SLC7A1: variants seen among roughly 807,000 people sequenced by gnomAD.
The protein encoded by SLC7A1 is solute carrier family 7 member 1, also known as high affinity cationic amino acid transporter 1.
SLC7A1 carries 10 observed loss-of-function variants against 53.9 expected under a neutral mutation model. That is an observed-to-expected ratio of 0.19 (90% confidence interval 0.11 to 0.31). The LOEUF (loss-of-function observed/expected upper bound fraction) is 0.31. Ranked by LOEUF, SLC7A1 falls within the 10% of genes least tolerant of loss-of-function variation. The probability of loss-of-function intolerance (pLI) is 1.00; values close to 1 mark genes in which losing one functional copy is unlikely to be tolerated. For synonymous variants in SLC7A1, 342 were observed against 338.7 expected (o/e 1.01, Z -0.11); for missense variants, 525 against 827.2 (o/e 0.63, Z 4.48).
intron 2 of SLC7A1, among the ~76,000 whole-genome samples, chr13:29,543,854 C>T (rs1275648864): frequency 2.0e-5 from 3 of 151,464 alleles, no homozygotes; most frequent in African/African-American, 4.9e-5. Context: ...GGGGGAGAGG[C>T]GGGGACATGC....
intron 1 of SLC7A1, among the ~76,000 whole-genome samples, chr13:29,578,748 C>T (rs1436668541): frequency 3.3e-5 from 5 of 152,238 alleles, no homozygotes; most frequent in Non-Finnish European, 7.3e-5. Flanking sequence ...AAGGATCCAC[C>T]AATGCTGGAA....
chr13:29,546,044 CCTATT>C (rs1178712645), intron 2 of SLC7A1, among the ~76,000 whole-genome samples: 3 of 152,220 alleles, frequency 2.0e-5, no homozygotes, highest in Non-Finnish European at 4.4e-5. Flanking sequence ...CCTATCCTAT[CCTATT>C]GGAGCCAGGG....
chr13:29,554,503 G>A (rs1361802927), intron 1 of SLC7A1, among the ~76,000 whole-genome samples: 1 of 152,116 alleles, frequency 6.6e-6, no homozygotes, highest in Non-Finnish European at 1.5e-5. Context: ...CCAGTGACTG[G>A]GAGTACCTGG....
At chr13:29,591,850 G>T (rs1362995522) in intron 1 of SLC7A1, among the ~76,000 whole-genome samples, 1 of 152,170 alleles carries the variant, frequency 6.6e-6, no homozygotes, top group Admixed American at 6.5e-5. Flanking sequence ...GAAATTTTTG[G>T]TTGCCGTGGT....
chr13:29,534,260 A>G (rs543233757), intron 3 of SLC7A1, among the ~76,000 whole-genome samples: 1 of 152,222 alleles, frequency 6.6e-6, no homozygotes, highest in Non-Finnish European at 1.5e-5. Flanking sequence ...TTTATAATGC[A>G]TGCAAATGGT....
At chr13:29,584,109 C>CT (rs1418868464) in intron 1 of SLC7A1, among the ~76,000 whole-genome samples, 1 of 109,274 alleles carries the variant, frequency 9.2e-6, no homozygotes. Flanking sequence ...ATATTTGTAA[C>CT]TTTTTTTTTC....
intron 1 of SLC7A1, among the ~76,000 whole-genome samples, chr13:29,574,643 C>CTTT (rs60597221): frequency 4.3e-4 from 53 of 121,898 alleles, no homozygotes; most frequent in African/African-American, 8.2e-4. Context: ...GCAGCTAATG[C>CTTT]TTTTTTTTTT....
At chr13:29,586,137 A>T (rs151005449) in intron 1 of SLC7A1, among the ~76,000 whole-genome samples, 2,595 of 152,358 alleles carry the variant, frequency 0.017, 47 homozygotes, top group Middle Eastern at 0.041. Context: ...ATAAATGTCA[A>T]AGTCACCCAT....
chr13:29,550,135 C>T (rs186141906), intron 2 of SLC7A1, among the ~76,000 whole-genome samples: 23 of 152,286 alleles, frequency 1.5e-4, no homozygotes, highest in East Asian at 7.7e-4. Context: ...ACCACATTTT[C>T]GTATACAAAC....
rs559749560 is a variant in SLC7A1 at position 29,513,395 on chromosome 13, T to G, written c.*1085A>C. On this transcript the variant is annotated 3_prime_UTR_variant, in exon 13 of 13. Coordinates refer to ENST00000380752, the MANE Select transcript of SLC7A1 (RefSeq NM_003045.5). ...AACTTAATCTGGTGGAGTGTCACAA[T>G]TTCATGGACTGTGGATTGATTTCAA... 2.0e-5 allele frequency: 3 copies of G among 152,658 alleles called. No individual in the cohort carries two copies. Among genetic ancestry groups the G allele is most frequent in the Admixed American group, 6.5e-5 (1 of 15,290 alleles). The allele number at this position is 152,658 out of a possible 1,614,324, so 9.5% of individuals were successfully genotyped here.
chr13:29,567,012 T>C (rs1870995245), intron 1 of SLC7A1, among the ~76,000 whole-genome samples: 1 of 152,364 alleles, frequency 6.6e-6, no homozygotes, highest in Middle Eastern at 3.4e-3. Flanking sequence ...CCACTCTACT[T>C]GCACAAGCTA....
At chr13:29,517,340 C>T (rs776834025) in intron 10 of SLC7A1, 30 bp from the exon 11 acceptor site, 3 of 1,583,490 alleles carry the variant, frequency 1.9e-6, no homozygotes, top group Non-Finnish European at 2.6e-6. Context: ...CAGCAAGCTG[C>T]AACTCAACCA....
At chr13:29,533,601 T>C (rs1869273148) in intron 3 of SLC7A1, among the ~76,000 whole-genome samples, 1 of 152,212 alleles carries the variant, frequency 6.6e-6, no homozygotes, top group Non-Finnish European at 1.5e-5. Context: ...ACTTTTTGCC[T>C]GAACCTGATT....
intron 1 of SLC7A1, among the ~76,000 whole-genome samples, chr13:29,557,102 T>C (rs1282451356): frequency 6.6e-6 from 1 of 152,262 alleles, no homozygotes; most frequent in East Asian, 1.9e-4. Context: ...ACCAATTTAT[T>C]GTAATTTTTG....
chr13:29,538,772 C>T (rs895526579), intron 2 of SLC7A1, among the ~76,000 whole-genome samples: 12 of 152,236 alleles, frequency 7.9e-5, no homozygotes, highest in African/African-American at 2.7e-4. Flanking sequence ...CAACATAGCC[C>T]TCAGCTGAAA....
intron 4 of SLC7A1, among the ~76,000 whole-genome samples, chr13:29,531,222 T>A (rs187930804): frequency 1.9e-4 from 29 of 152,348 alleles, no homozygotes; most frequent in African/African-American, 7.0e-4. Context: ...CAACTAGCTA[T>A]GGTTCTGGAA....
At chr13:29,564,034 G>A (rs2139156377) in intron 1 of SLC7A1, among the ~76,000 whole-genome samples, 1 of 152,312 alleles carries the variant, frequency 6.6e-6, no homozygotes, top group South Asian at 2.1e-4. Flanking sequence ...CGGAATGCCA[G>A]AATCCTCTCA....
intron 5 of SLC7A1, among the ~76,000 whole-genome samples, chr13:29,525,815 T>C (rs2139084971): frequency 6.6e-6 from 1 of 152,326 alleles, no homozygotes; most frequent in South Asian, 2.1e-4. Context: ...TGACTAAAAC[T>C]AGCAACCCAA....
In SLC7A1 at chr13:29,511,360, G is replaced by A. The variant is rs1238327355; in HGVS notation, c.*3120C>T. ...TTACTGCTGCAAAAACCAAAAGTGG[G>A]GGGAGATCTCAGCAATTCTGACAAC... On this transcript the variant is annotated 3_prime_UTR_variant, in exon 13 of 13. Coordinates refer to ENST00000380752, the MANE Select transcript of SLC7A1 (RefSeq NM_003045.5). 1 of 152,242 alleles carries A rather than the reference G, an allele frequency of 6.6e-6. No homozygotes were observed. Among genetic ancestry groups the A allele is most frequent in the African/African-American group, 2.4e-5 (1 of 41,454 alleles). The allele number at this position is 152,242 out of a possible 1,614,324, so 9.4% of individuals were successfully genotyped here.
Sources: gnomAD v4.1 joint callset for allele counts (sites outside exome capture counted in the v4.1 genomes callset) on GRCh38, gnomAD v4.1.1 for gene constraint, MANE v1.5 for transcripts, NCBI Gene and HGNC (gene_info 2026-07-23, HGNC 2026-07-21) for gene names.